FLNB: variants seen among roughly 807,000 people sequenced by gnomAD.
The protein encoded by FLNB is filamin-B.
FLNB carries 111 observed loss-of-function variants against 250.6 expected under a neutral mutation model. The observed-to-expected ratio is 0.44, with a 90% CI of 0.38 to 0.52. The LOEUF (loss-of-function observed/expected upper bound fraction) is 0.52, where lower values mean the gene tolerates loss of function less well. Among genes scored for constraint, FLNB ranks in the 20% least tolerant of loss-of-function variants. The pLI, the probability that FLNB is intolerant of heterozygous loss-of-function variation, is 0.00. For missense variants in FLNB, 2,869 were observed against 3,447.8 expected, an observed-to-expected ratio of 0.83 and a Z score of 4.20; for synonymous variants, 1,302 against 1,372.1, an observed-to-expected ratio of 0.95 and a Z score of 1.13.
rs564458059 is a variant in FLNB, at chr3:58,010,837, GT to G, written c.292+1982del. 4.4e-4 allele frequency among the ~76,000 whole-genome samples: 67 copies of G among 152,134 alleles called. 1 individual carries two copies. The highest frequency in any genetic ancestry group is 1.6e-3 in the African/African-American group (65 of 41,520). On this transcript the variant is annotated intron_variant, in intron 1 of 45. Coordinates refer to ENST00000295956, the MANE Select transcript of FLNB (RefSeq NM_001457.4). ...CTACTTCCAGCACTGTCTCTCATCA[GT>G]GCCCGGGGCTGTGGGTCTCATTCTA...
At position 58,142,066 on chromosome 3, in the gene FLNB, A is replaced by C. The variant is rs2097328094; in HGVS notation, c.5181+137A>C. 5.3e-6 allele frequency: 4 copies of C among 751,848 alleles called. No homozygotes were observed. The South Asian group carries it at 5.8e-5, about 11-fold the overall frequency. The allele number at this position is 751,848 out of a possible 1,614,324, so 46.6% of individuals were successfully genotyped here. A position where few individuals can be genotyped will look rare whatever the true frequency, so the allele number is the denominator to read the frequency against. On this transcript the variant is annotated intron_variant, in intron 30 of 45. Transcript: ENST00000295956. This position sits in a 1 kb window ranked among gnomAD's most constrained non-coding sequence, Gnocchi z 4.3. ...TGGTGTGCCCCTCACTGATCAGCCC[A>C]TCACGATGATCCCTGCTTTTTCTGT... is the stretch of plus-strand genomic sequence containing the variant.
At chr3:58,130,480 TCTC>T (rs1222731457) in intron 24 of FLNB, among the ~76,000 whole-genome samples, 1 of 152,100 alleles carries the variant, frequency 6.6e-6, no homozygotes, top group Non-Finnish European at 1.5e-5. Context: ...GCCTCATCCT[TCTC>T]CTGCAGTTGT....
At position 58,169,277 on chromosome 3, in the gene FLNB, G is replaced by T; in HGVS notation, c.7418-313G>T. On this transcript the variant is annotated intron_variant, in intron 44 of 45. Transcript: ENST00000295956. This position sits in a 1 kb window ranked among gnomAD's most constrained non-coding sequence, Gnocchi z 4.8. Reference sequence around the variant, plus strand: ...ACTGCTTATACATAGACTATTTTATGTCAATAGAAAGATGTGAATTCCACA... The same window carrying T: ...ACTGCTTATACATAGACTATTTTATTTCAATAGAAAGATGTGAATTCCACA... 1 of 411,104 alleles carries T rather than the reference G, an allele frequency of 2.4e-6. No individual in the cohort carries two copies. The highest frequency in any genetic ancestry group is 4.5e-6 in the Non-Finnish European group (1 of 220,474). 25.5% of individuals were successfully genotyped at this position (411,104 alleles called of 1,614,324 possible). A position where few individuals can be genotyped will look rare whatever the true frequency, so the allele number is the denominator to read the frequency against.
intron 42 of FLNB, among the ~76,000 whole-genome samples, chr3:58,160,877 G>A (rs1383818084): frequency 6.6e-5 from 10 of 152,102 alleles, no homozygotes; most frequent in Admixed American, 2.0e-4. Flanking sequence ...GTCTACTTGT[G>A]GGGGATGAGG....
At chr3:58,150,311 A>G (rs570454875) in intron 38 of FLNB, 84 bp downstream of exon 38, 1 of 1,510,132 alleles carries the variant, frequency 6.6e-7, no homozygotes, top group Admixed American at 1.7e-5. Flanking sequence ...AAGTTTAGGC[A>G]TGGCCCAGAA....
At chr3:58,119,036 C>T (rs745789375) in intron 19 of FLNB, 47 bp downstream of exon 19, 17 of 1,335,856 alleles carry the variant, frequency 1.3e-5, no homozygotes, top group Non-Finnish European at 1.6e-5. Flanking sequence ...GACCCCCCAA[C>T]GTGGCTGCTG....
chr3:58,079,550 C>T (rs531613007), intron 3 of FLNB, among the ~76,000 whole-genome samples: 8 of 152,242 alleles, frequency 5.3e-5, no homozygotes, highest in Non-Finnish European at 8.8e-5. Context: ...TGTGCCTGGC[C>T]GACTTAAAAC....
Position 58,109,645 on chromosome 3 carries a change from C to T in FLNB, c.2269C>T (p.Leu757=). The change falls in exon 15 of 46, where the codon CTG becomes TTG. Residue 757 remains leucine (L), a synonymous_variant. Coordinates refer to ENST00000295956, the MANE Select transcript of FLNB (RefSeq NM_001457.4). Reference sequence around the variant, plus strand: ...TGGGCCAGGTGTGGAGAGAAGTGGTCTGAAGGCAAATGAACCTACACACTT... The same window carrying T: ...TGGGCCAGGTGTGGAGAGAAGTGGTTTGAAGGCAAATGAACCTACACACTT... ...VFGPGVERSG[L]KANEPTHFTV... is the part of the protein sequence containing the mutation. 1 of 1,614,096 alleles carries T rather than the reference C, an allele frequency of 6.2e-7. No homozygotes were observed. The highest frequency in any genetic ancestry group is 2.2e-5 in the East Asian group (1 of 44,876).
intron 42 of FLNB, among the ~76,000 whole-genome samples, chr3:58,160,226 C>T (rs1436763851): frequency 6.6e-6 from 1 of 152,092 alleles, no homozygotes; most frequent in Admixed American, 6.5e-5. Flanking sequence ...TTTGATCTCA[C>T]TTTACTCTAA....
chr3:58,087,821 A>G (rs532119350), intron 4 of FLNB, among the ~76,000 whole-genome samples: 33 of 150,592 alleles, frequency 2.2e-4, no homozygotes, highest in African/African-American at 7.6e-4. Context: ...GCTCACTGCA[A>G]CCTCTGCCTC....
At chr3:58,130,514 C>T (rs900709096) in intron 24 of FLNB, among the ~76,000 whole-genome samples, 3 of 152,150 alleles carry the variant, frequency 2.0e-5, no homozygotes, top group East Asian at 3.9e-4. Context: ...GGGGTGTTAA[C>T]CGCTCAGGAT....
chr3:58,063,097 G>T (rs981309672), intron 1 of FLNB, among the ~76,000 whole-genome samples: 16 of 152,286 alleles, frequency 1.1e-4, no homozygotes, highest in Non-Finnish European at 5.9e-5. Flanking sequence ...CCCACTCATG[G>T]TCACACAGCT....
chr3:58,133,691 T>G (rs904035234), intron 26 of FLNB, among the ~76,000 whole-genome samples: 1 of 152,128 alleles, frequency 6.6e-6, no homozygotes, highest in Non-Finnish European at 1.5e-5. Flanking sequence ...TCTTCACCTC[T>G]TGGAACAATC....
chr3:58,068,370 G>A (rs913617747), intron 1 of FLNB, among the ~76,000 whole-genome samples: 1 of 152,200 alleles, frequency 6.6e-6, no homozygotes, highest in Non-Finnish European at 1.5e-5. Context: ...CTACCCAGGG[G>A]CCTCTGGGGT....
At chr3:58,153,257 C>T (rs892864933) in intron 38 of FLNB, 118 bp from the exon 39 acceptor site, 25 of 1,194,456 alleles carry the variant, frequency 2.1e-5, no homozygotes, top group Middle Eastern at 4.7e-4. Flanking sequence ...AGCCTGGGCA[C>T]CTCACGTCCA....
chr3:58,109,011 T>G (rs1559698773), intron 13 of FLNB, among the ~76,000 whole-genome samples, 168 bp from the exon 14 acceptor site: 1 of 152,262 alleles, frequency 6.6e-6, no homozygotes, highest in Non-Finnish European at 1.5e-5. Flanking sequence ...TGTCATATTT[T>G]GTCACTGGTT....
At chr3:58,019,395 C>T (rs76303141) in intron 1 of FLNB, among the ~76,000 whole-genome samples, 2,649 of 152,310 alleles carry the variant, frequency 0.017, 72 homozygotes, top group African/African-American at 0.06. Flanking sequence ...GGGCCTGAGT[C>T]TTTCAGGCAG....
chr3:58,062,039 C>T (rs1256895692), intron 1 of FLNB, among the ~76,000 whole-genome samples: 1 of 151,784 alleles, frequency 6.6e-6, no homozygotes, highest in Non-Finnish European at 1.5e-5. Flanking sequence ...TGCAGTAAGC[C>T]GAAATCATGC....
intron 1 of FLNB, among the ~76,000 whole-genome samples, chr3:58,011,001 A>G (rs914847467): frequency 6.6e-6 from 1 of 150,908 alleles, no homozygotes; most frequent in Non-Finnish European, 1.5e-5. Context: ...TGCAACCTCC[A>G]CCTCCCGGGT....
Sources: allele counts gnomAD v4.1 joint callset (sites outside exome capture counted in the v4.1 genomes callset), GRCh38; gene constraint gnomAD v4.1.1; non-coding constraint Gnocchi (gnomAD v3.1); transcripts MANE v1.5; gene names NCBI Gene and HGNC (gene_info 2026-07-23, HGNC 2026-07-21).